LRP1B: variants seen among roughly 807,000 people sequenced by gnomAD.
The protein encoded by LRP1B is LDL receptor related protein 1B.
Under a neutral mutation model 556.6 loss-of-function variants are expected in LRP1B, and 217 were observed. The observed-to-expected ratio is 0.39, with a 90% CI of 0.35 to 0.44. The LOEUF (loss-of-function observed/expected upper bound fraction) is 0.44. Ranked by LOEUF, LRP1B falls within the 20% of genes least tolerant of loss-of-function variation. The probability of loss-of-function intolerance (pLI) is 1.00; values close to 1 mark genes in which losing one functional copy is unlikely to be tolerated. For synonymous variants in LRP1B, 2,047 were observed against 1,865.8 expected, an observed-to-expected ratio of 1.10 and a Z score of -2.50; for missense variants, 5,053 against 5,620.8, an observed-to-expected ratio of 0.90 and a Z score of 3.23.
intron 66 of LRP1B, among the ~76,000 whole-genome samples, chr2:140,440,414 T>C (rs1518443): frequency 0.32 from 48,762 of 151,968 alleles, 8,341 homozygotes; most frequent in African/African-American, 0.35. Context: ...CATAAAGACA[T>C]ATAACTGAGT....
At chr2:140,695,256 T>G (rs1686389591) in intron 41 of LRP1B, among the ~76,000 whole-genome samples, 1 of 152,104 alleles carries the variant, frequency 6.6e-6, no homozygotes, top group Non-Finnish European at 1.5e-5. Context: ...TCTTTCATAA[T>G]TCATTTGAGT....
At chr2:141,965,353 C>T (rs1435530080) in intron 1 of LRP1B, among the ~76,000 whole-genome samples, 45 of 33,174 alleles carry the variant, frequency 1.4e-3, no homozygotes, top group African/African-American at 5.0e-3. Context: ...ACCCAAATGT[C>T]CAACAATGAT....
intron 7 of LRP1B, among the ~76,000 whole-genome samples, chr2:141,090,385 T>C (rs1019997179): frequency 6.6e-6 from 1 of 152,190 alleles, no homozygotes; most frequent in East Asian, 1.9e-4. Flanking sequence ...CAGAATAAGT[T>C]TTGTAAAGGT....
At chr2:141,317,307 G>A (rs928572760) in intron 3 of LRP1B, among the ~76,000 whole-genome samples, 1 of 152,186 alleles carries the variant, frequency 6.6e-6, no homozygotes, top group Non-Finnish European at 1.5e-5. Flanking sequence ...GGTGTTGAAA[G>A]TTCAAGATCA....
intron 35 of LRP1B, among the ~76,000 whole-genome samples, chr2:140,759,179 T>TA (rs1559101338): frequency 2.6e-5 from 4 of 151,550 alleles, no homozygotes; most frequent in African/African-American, 4.8e-5. Flanking sequence ...AGATTTTTTT[T>TA]TAAAAAATAG....
At chr2:142,113,037 T>C (rs1376659357) in intron 1 of LRP1B, among the ~76,000 whole-genome samples, 1 of 152,072 alleles carries the variant, frequency 6.6e-6, no homozygotes, top group Non-Finnish European at 1.5e-5. Flanking sequence ...CTGGTGGTTA[T>C]AGAATGCAGC....
intron 43 of LRP1B, among the ~76,000 whole-genome samples, chr2:140,550,031 G>A (rs934442932): frequency 1.3e-5 from 2 of 151,880 alleles, no homozygotes; most frequent in African/African-American, 2.4e-5. Context: ...GACGGGCCCC[G>A]ATATGTGATG....
chr2:141,533,185 C>A (rs576237975), intron 2 of LRP1B, among the ~76,000 whole-genome samples: 2 of 152,218 alleles, frequency 1.3e-5, no homozygotes, highest in East Asian at 3.9e-4. Context: ...AGCTTAATAA[C>A]TGGCTAACAC....
chr2:141,064,197 G>A (rs765263079), intron 7 of LRP1B, among the ~76,000 whole-genome samples: 3 of 151,822 alleles, frequency 2.0e-5, no homozygotes, highest in Non-Finnish European at 4.4e-5. Context: ...ATAAAAAATC[G>A]AGTGGCTGAC....
chr2:140,978,503 T>A (rs1997077), intron 18 of LRP1B, among the ~76,000 whole-genome samples: 6,835 of 152,206 alleles, frequency 0.045, 175 homozygotes, highest in Middle Eastern at 0.071. Context: ...AAGCAAAATA[T>A]GGCCAGTATG....
At chr2:141,642,641 G>A (rs185106064) in intron 2 of LRP1B, among the ~76,000 whole-genome samples, 2 of 152,204 alleles carry the variant, frequency 1.3e-5, no homozygotes, top group East Asian at 3.9e-4. Flanking sequence ...AATCAGGGAG[G>A]ATATGAAGAA....
intron 2 of LRP1B, among the ~76,000 whole-genome samples, chr2:141,503,001 GT>G (rs1389231705): frequency 6.6e-6 from 1 of 150,586 alleles, no homozygotes; most frequent in African/African-American, 2.4e-5. Flanking sequence ...CACATTAAAG[GT>G]TGTAATGTAA....
At chr2:141,611,712 G>A (rs1688113533) in intron 2 of LRP1B, among the ~76,000 whole-genome samples, 1 of 152,154 alleles carries the variant, frequency 6.6e-6, no homozygotes, top group Non-Finnish European at 1.5e-5. Flanking sequence ...ATGTGGTGCG[G>A]AGCCATGCCA....
At chr2:141,047,425 C>T (rs1375163421) in intron 11 of LRP1B, among the ~76,000 whole-genome samples, 3 of 152,038 alleles carry the variant, frequency 2.0e-5, no homozygotes, top group Non-Finnish European at 4.4e-5. Context: ...TTCTCATGCT[C>T]TCATTTCCTC....
chr2:142,089,638 T>C (rs1706084280), intron 1 of LRP1B, among the ~76,000 whole-genome samples: 1 of 152,046 alleles, frequency 6.6e-6, no homozygotes, highest in African/African-American at 2.4e-5. Context: ...CAAAGAATGG[T>C]AGGTTGAGGG....
intron 2 of LRP1B, among the ~76,000 whole-genome samples, chr2:141,779,419 CTTT>C (rs34529015): frequency 6.9e-5 from 9 of 130,812 alleles, no homozygotes; most frequent in Non-Finnish European, 3.2e-5. Flanking sequence ...AAAATAAAAA[CTTT>C]TTTTTTTTTT....
intron 2 of LRP1B, among the ~76,000 whole-genome samples, chr2:141,759,101 C>T (rs1275543784): frequency 2.0e-5 from 3 of 151,916 alleles, no homozygotes; most frequent in Non-Finnish European, 2.9e-5. Context: ...AAAATAAAGT[C>T]CTCTGAAAAA....
intron 17 of LRP1B, among the ~76,000 whole-genome samples, chr2:140,986,300 T>C (rs112498315): frequency 0.024 from 3,678 of 152,214 alleles, 67 homozygotes; most frequent in Non-Finnish European, 0.031. Flanking sequence ...TTCACTATTA[T>C]AGCACAAGAC....
chr2:141,599,479 C>T (rs1242411120), intron 2 of LRP1B, among the ~76,000 whole-genome samples: 1 of 152,048 alleles, frequency 6.6e-6, no homozygotes, highest in Non-Finnish European at 1.5e-5. Flanking sequence ...GAAACTTGAA[C>T]ATTAAATTTT....
Sources: gnomAD v4.1 joint callset for allele counts (sites outside exome capture counted in the v4.1 genomes callset) on GRCh38, gnomAD v4.1.1 for gene constraint, MANE v1.5 for transcripts, NCBI Gene and HGNC (gene_info 2026-07-23, HGNC 2026-07-21) for gene names.